Variants in TRMT44 observed in about 807,000 individuals in gnomAD.
TRMT44 encodes the protein tRNA methyltransferase 44 homolog.
Under a neutral mutation model 77.3 loss-of-function variants are expected in TRMT44, and 78 were observed. The ratio of observed to expected loss-of-function variants is 1.01; its 90% CI spans 0.84 to 1.22. The LOEUF (loss-of-function observed/expected upper bound fraction) is 1.22. Among genes scored for constraint, TRMT44 ranks in the 50% most tolerant of loss-of-function variants. The pLI is 0.00. For missense variants in TRMT44, 1,090 were observed against 964.4 expected, an observed-to-expected ratio of 1.13 and a Z score of -1.73; for synonymous variants, 391 against 383.3, an observed-to-expected ratio of 1.02 and a Z score of -0.23.
chr4:8,502,477 G>C, the TRMT44 span, among the ~76,000 whole-genome samples: 1 of 152,248 alleles, frequency 6.6e-6, no homozygotes, highest in Non-Finnish European at 1.5e-5. Flanking sequence ...GCTTAGCAAG[G>C]TTCCCTGCTC....
At chr4:8,495,810 T>A (rs558252810), downstream of TRMT44, among the ~76,000 whole-genome samples, 1 of 152,272 alleles carries the variant, frequency 6.6e-6, no homozygotes, top group East Asian at 1.9e-4. Flanking sequence ...CAACCCCTCC[T>A]TTTTTTGCTG....
At chr4:8,512,111 G>A in the TRMT44 span, 1 of 152,132 alleles carries the variant, frequency 6.6e-6, no homozygotes, top group Non-Finnish European at 1.5e-5. Context: ...CTGTCACCCA[G>A]GCTGGAGTGC....
At chr4:8,468,685 C>G (rs565830916) in intron 9 of TRMT44, 1 of 513,506 alleles carries the variant, frequency 1.9e-6, no homozygotes, top group African/African-American at 1.9e-5. Flanking sequence ...GCAAAATGCA[C>G]TGTCCCCTTG....
At chr4:8,493,017 TCGACTG>T (rs1728054913) in intron 2 of TRMT44, among the ~76,000 whole-genome samples, 1 of 152,160 alleles carries the variant, frequency 6.6e-6, no homozygotes, top group African/African-American at 2.4e-5. Flanking sequence ...ACTTCCTAAA[TCGACTG>T]AGACCTGTCT....
At chr4:8,483,310 AAC>A in intron 2 of TRMT44, among the ~76,000 whole-genome samples, 1 of 152,286 alleles carries the variant, frequency 6.6e-6, no homozygotes, top group Middle Eastern at 3.4e-3. Context: ...GGCTTGGAGA[AAC>A]AGTGTAAACT....
chr4:8,464,466 TC>T (rs1364743755), intron 7 of TRMT44, among the ~76,000 whole-genome samples: 1 of 152,194 alleles, frequency 6.6e-6, no homozygotes, highest in Non-Finnish European at 1.5e-5. Flanking sequence ...AAAGGGGAAA[TC>T]TACCCATCGA....
chr4:8,446,438 G>T lies in TRMT44; in HGVS notation c.620-38G>T, dbSNP rs780616402. 2.3e-6 allele frequency: 3 copies of T among 1,296,738 alleles called. No individual in the cohort carries two copies. The highest frequency in any genetic ancestry group is 1.3e-5 in the South Asian group (1 of 78,622). 80.3% of individuals were successfully genotyped at this position (1,296,738 alleles called of 1,614,324 possible). A position where few individuals can be genotyped will look rare whatever the true frequency, so the allele number is the denominator to read the frequency against. On this transcript the variant is annotated intron_variant, in intron 1 of 10. Coordinates refer to ENST00000389737, the MANE Select transcript of TRMT44 (RefSeq NM_152544.3). The surrounding 1 kb of genome is among the most constrained non-coding windows in gnomAD (Gnocchi z 4.3). ...CTGCTTCTGATGAGACGGTAGCTAG[G>T]CAGTTGTAATTTGTCCTTCTTCTCT...
chr4:8,441,101 G>C lies in TRMT44; in HGVS notation c.279G>C (p.Gln93His), dbSNP rs766169556. 9.2e-6 allele frequency: 14 copies of C among 1,514,494 alleles called. No homozygotes were observed. Among genetic ancestry groups the C allele is most frequent in the Non-Finnish European group, 1.1e-5 (13 of 1,134,638 alleles). 93.8% of individuals were successfully genotyped at this position (1,514,494 alleles called of 1,614,324 possible). A position where few individuals can be genotyped will look rare whatever the true frequency, so the allele number is the denominator to read the frequency against. The change falls in exon 1 of 11, where the codon CAG becomes CAC. Residue 93 changes from glutamine to histidine, a missense_variant. Transcript: ENST00000389737. ...PGPRSLSGPE[Q>H]GTACCELEEA... ...CCAGGTCGCTATCAGGACCCGAGCAGGGCACGGCATGTTGCGAACTTGAGG... is the reference window on the plus strand; with the variant it reads ...CCAGGTCGCTATCAGGACCCGAGCACGGCACGGCATGTTGCGAACTTGAGG...
chr4:8,492,087 A>G lies in TRMT44; in HGVS notation n.3892-1179A>G, dbSNP rs544383990. 5.3e-5 allele frequency among the ~76,000 whole-genome samples: 8 copies of G among 152,372 alleles called. No homozygotes were observed. In the South Asian group the frequency reaches 1.7e-3, roughly 32 times the overall value. Reference sequence around the variant, plus strand: ...AGGAAAAACCCCTTGGGCAGATACAAAAGTTCTTTCAGGCATCTGTTTCCA... The same window carrying G: ...AGGAAAAACCCCTTGGGCAGATACAGAAGTTCTTTCAGGCATCTGTTTCCA... On this transcript the variant is annotated intron_variant and non_coding_transcript_variant, in intron 2 of 2. Coordinates refer to the TRMT44 transcript ENST00000511366.
At chr4:8,489,767 C>T (rs560924229) in intron 2 of TRMT44, among the ~76,000 whole-genome samples, 193 of 152,298 alleles carry the variant, frequency 1.3e-3, no homozygotes, top group African/African-American at 4.6e-3. Flanking sequence ...CGTGAGCCAC[C>T]ACACCCGGCC....
intron 6 of TRMT44, among the ~76,000 whole-genome samples, chr4:8,462,939 C>T (rs969824939): frequency 7.9e-5 from 12 of 152,106 alleles, no homozygotes; most frequent in Non-Finnish European, 1.5e-4. Context: ...GTAGATCATA[C>T]GTATACCCTT....
the TRMT44 span, among the ~76,000 whole-genome samples, chr4:8,508,642 C>T: frequency 6.6e-5 from 10 of 152,242 alleles, no homozygotes; most frequent in African/African-American, 2.4e-4. Context: ...CATGGGGTTG[C>T]GGCGCCTTGG....
chr4:8,468,228 C>G lies in TRMT44; in HGVS notation c.1809C>G (p.Ala603=). The change falls in exon 9 of 11, where the codon GCC becomes GCG. Residue 603 remains alanine (A), a synonymous_variant. Transcript: ENST00000389737. ...EKAERVRNCA[A]LPRDFIDQVV... ...CTGAGCGTGTGAGGAACTGTGCCGC[C>G]CTGCCACGAGATTTTATTGACCAAG... 6.2e-7 allele frequency: 1 copy of G among 1,614,254 alleles called. No homozygotes were observed. Among genetic ancestry groups the G allele is most frequent in the South Asian group, 1.1e-5 (1 of 91,086 alleles).
chr4:8,474,923 C>T (rs1208166395), intron 10 of TRMT44, among the ~76,000 whole-genome samples: 1 of 152,144 alleles, frequency 6.6e-6, no homozygotes, highest in East Asian at 1.9e-4. Context: ...CTCTCCTGGC[C>T]CCACCCCACT....
downstream of TRMT44, chr4:8,479,411 C>G (rs1316456440): frequency 6.6e-6 from 1 of 152,056 alleles, no homozygotes. Flanking sequence ...GCCCCGCGCT[C>G]ATGGATGAGA....
intron 6 of TRMT44, among the ~76,000 whole-genome samples, chr4:8,459,646 A>G (rs1041923223): frequency 6.6e-6 from 1 of 152,236 alleles, no homozygotes; most frequent in African/African-American, 2.4e-5. Context: ...CTTTTCGAAA[A>G]GGTCCTACTT....
chr4:8,442,172 G>A (rs570179416), intron 1 of TRMT44, among the ~76,000 whole-genome samples: 1 of 152,318 alleles, frequency 6.6e-6, no homozygotes, highest in African/African-American at 2.4e-5. Flanking sequence ...GGAACATCAT[G>A]ACAATAAGAA....
the TRMT44 span, among the ~76,000 whole-genome samples, chr4:8,499,875 T>A: frequency 0.023 from 3,436 of 152,192 alleles, 73 homozygotes; most frequent in African/African-American, 0.053. Context: ...GTCAGGAGTT[T>A]ACTATATAAC....
intron 10 of TRMT44, among the ~76,000 whole-genome samples, chr4:8,472,138 C>A (rs1727047963): frequency 6.6e-6 from 1 of 152,168 alleles, no homozygotes; most frequent in South Asian, 2.1e-4. Context: ...CACCACCATG[C>A]CCTAAGCACA....
Sources: allele counts gnomAD v4.1 joint callset (sites outside exome capture counted in the v4.1 genomes callset), GRCh38; gene constraint gnomAD v4.1.1; non-coding constraint Gnocchi (gnomAD v3.1); transcripts MANE v1.5; gene names NCBI Gene and HGNC (gene_info 2026-07-23, HGNC 2026-07-21).